BIVM: variants seen among roughly 807,000 people sequenced by gnomAD.
BIVM encodes the protein basic immunoglobulin-like variable motif-containing protein.
Under a neutral mutation model 61.4 loss-of-function variants are expected in BIVM, and 31 were observed. The observed-to-expected ratio is 0.51, with a 90% CI of 0.38 to 0.68. The LOEUF (loss-of-function observed/expected upper bound fraction) is 0.68, where lower values mean the gene tolerates loss of function less well. BIVM is among the 30% of genes least tolerant of loss of function. The pLI, the probability that BIVM is intolerant of heterozygous loss-of-function variation, is 0.00. For synonymous variants in BIVM, 189 were observed against 210.7 expected, an observed-to-expected ratio of 0.90 and a Z score of 0.89; for missense variants, 526 against 596.0, an observed-to-expected ratio of 0.88 and a Z score of 1.22.
intron 1 of BIVM, among the ~76,000 whole-genome samples, chr13:102,802,566 T>C (rs1878809787): frequency 6.6e-6 from 1 of 152,198 alleles, no homozygotes. Context: ...CCAATGAGAA[T>C]GTTTCATGCC....
chr13:102,804,477 A>T (rs995885578), intron 1 of BIVM, among the ~76,000 whole-genome samples: 1 of 151,892 alleles, frequency 6.6e-6, no homozygotes, highest in African/African-American at 2.4e-5. Context: ...TGCCCAGCTA[A>T]TTTTTTTGTG....
At position 102,810,885 on chromosome 13, in the gene BIVM, C is replaced by T. The variant is rs111817307; in HGVS notation, c.478+3140C>T. ...CTGGGACTACAGGTGCACATCACCACGACTGGCTAATTTTTAATATTTTTT... is the reference window on the plus strand; with the variant it reads ...CTGGGACTACAGGTGCACATCACCATGACTGGCTAATTTTTAATATTTTTT... On this transcript the variant is annotated intron_variant, in intron 3 of 10. Transcript: ENST00000257336. Among the ~76,000 whole-genome samples, 930 of 152,218 alleles carry T rather than the reference C, an allele frequency of 6.1e-3. 16 individuals carry two copies. The highest frequency in any genetic ancestry group is 0.021 in the African/African-American group (877 of 41,534).
rs968040390 is a variant in BIVM at position 102,813,857 on chromosome 13, C to T, written c.479-2571C>T. Among the ~76,000 whole-genome samples the T allele has an allele frequency of 3.3e-5, 5 of 152,150 alleles. No homozygotes were observed. In the East Asian group the frequency reaches 9.7e-4, roughly 29 times the overall value. On this transcript the variant is annotated intron_variant, in intron 3 of 10. Transcript: ENST00000257336. ...TACATGCATGGTCCAGGGGTCAGTC[C>T]AAGGTTTGGGCCAAATTTATACACA...
chr13:102,825,146 C>G (rs1256207344), intron 7 of BIVM, among the ~76,000 whole-genome samples: 1 of 152,118 alleles, frequency 6.6e-6, no homozygotes, highest in African/African-American at 2.4e-5. Context: ...GGGGTTTCAC[C>G]ATGTTAGCCA....
intron 7 of BIVM, 61 bp from the exon 8 acceptor site, chr13:102,831,504 G>A (rs903484464): frequency 5.5e-5 from 88 of 1,604,222 alleles, no homozygotes; most frequent in Non-Finnish European, 7.2e-5. Context: ...CCGGTCCTTT[G>A]TGTAAAGCAT....
intron 9 of BIVM, among the ~76,000 whole-genome samples, chr13:102,838,396 G>C (rs1030589084): frequency 6.6e-6 from 1 of 152,194 alleles, no homozygotes; most frequent in Non-Finnish European, 1.5e-5. Context: ...TAACATGTTG[G>C]TATTTATTTA....
intron 3 of BIVM, among the ~76,000 whole-genome samples, chr13:102,816,200 C>G (rs981132177): frequency 6.6e-6 from 1 of 152,144 alleles, no homozygotes; most frequent in Non-Finnish European, 1.5e-5. Context: ...TATTATTTCT[C>G]TTTAAGGTAG....
chr13:102,806,842 G>A (rs542829486), intron 2 of BIVM, among the ~76,000 whole-genome samples: 11 of 151,978 alleles, frequency 7.2e-5, no homozygotes, highest in Middle Eastern at 3.4e-3. Flanking sequence ...CCCGGGAGGC[G>A]GAGGTTGCGG....
chr13:102,801,472 C>T (rs1278842087), intron 1 of BIVM: 1 of 151,992 alleles, frequency 6.6e-6, no homozygotes, highest in Admixed American at 6.6e-5. Context: ...AGGCTGGCCT[C>T]AAACTCCTGA....
intron 7 of BIVM, among the ~76,000 whole-genome samples, chr13:102,828,794 C>T (rs7329945): frequency 0.89 from 135,074 of 152,086 alleles, 62,177 homozygotes; most frequent in East Asian, 1. Flanking sequence ...GTTGGGAGGC[C>T]GAGGTGGGTG....
chr13:102,813,207 A>G (rs1257282044), intron 3 of BIVM, among the ~76,000 whole-genome samples: 1 of 152,200 alleles, frequency 6.6e-6, no homozygotes, highest in African/African-American at 2.4e-5. Flanking sequence ...ATTTTTTTAA[A>G]AATGTAATTT....
At chr13:102,818,352 C>A (rs1349280241) in intron 4 of BIVM, among the ~76,000 whole-genome samples, 1 of 152,016 alleles carries the variant, frequency 6.6e-6, no homozygotes, top group African/African-American at 2.4e-5. Flanking sequence ...AGATATCAGG[C>A]TCAATATTTA....
chr13:102,839,809 C>T lies in BIVM; in HGVS notation c.1456C>T (p.His486Tyr), dbSNP rs758722716. 6.2e-7 allele frequency: 1 copy of T among 1,614,002 alleles called. No homozygotes were observed. The highest frequency in any genetic ancestry group is 2.2e-5 in the East Asian group (1 of 44,864). Residue 486 changes from histidine to tyrosine, a missense_variant, in exon 11 of 11, where the codon CAT becomes TAT. Physicochemically the swap from His to Tyr is moderately conservative, Grantham distance 83 (BLOSUM62 2). Transcript: ENST00000257336. Reference protein sequence around the residue: ...DSAWKKMSSIHERRNSGYQGY... With the variant: ...DSAWKKMSSIYERRNSGYQGY... ...GGCATGGAAAAAGATGTCTAGTATC[C>T]ATGAGAGAAGGAACAGTGGTTACCA...
Position 102,829,667 on chromosome 13 carries a change from C to T in BIVM, c.902-1898C>T, listed in dbSNP as rs148787815. On this transcript the variant is annotated intron_variant, in intron 7 of 10. Coordinates refer to ENST00000257336, the MANE Select transcript of BIVM (RefSeq NM_017693.4). ...CAGCCTGGCCAACATAGTGAAACCC[C>T]GTCTCTACTAAAAATACAAAAATTA... is the stretch of plus-strand genomic sequence containing the variant. Among the ~76,000 whole-genome samples, 78 of 151,948 alleles carry T rather than the reference C, an allele frequency of 5.1e-4. 2 individuals carry two copies. The East Asian group carries it at 8.5e-3, about 17-fold the overall frequency.
Position 102,807,168 on chromosome 13 carries a change from G to A in BIVM, c.-100G>A. On this transcript the variant is annotated 5_prime_UTR_variant, in exon 3 of 11. Transcript: ENST00000257336. This position sits in a 1 kb window ranked among gnomAD's most constrained non-coding sequence, Gnocchi z 4.0. Reference sequence around the variant, plus strand: ...TAGGAGCTCATTTTGCAGCTCTCAAGCTTTTATAGCATGCTGTAAACAATT... The same window carrying A: ...TAGGAGCTCATTTTGCAGCTCTCAAACTTTTATAGCATGCTGTAAACAATT... 7.7e-7 allele frequency: 1 copy of A among 1,306,766 alleles called. No individual in the cohort carries two copies. The highest frequency in any genetic ancestry group is 1.5e-5 in the South Asian group (1 of 65,768). The allele number at this position is 1,306,766 out of a possible 1,614,324, so 80.9% of individuals were successfully genotyped here. A position where few individuals can be genotyped will look rare whatever the true frequency, so the allele number is the denominator to read the frequency against.
At chr13:102,826,815 G>A (rs1344018338) in intron 7 of BIVM, among the ~76,000 whole-genome samples, 1 of 152,184 alleles carries the variant, frequency 6.6e-6, no homozygotes, top group Non-Finnish European at 1.5e-5. Context: ...GAGGATAGAT[G>A]AAGAGATGGG....
chr13:102,829,141 A>G (rs1397037178), intron 7 of BIVM, among the ~76,000 whole-genome samples: 2 of 152,102 alleles, frequency 1.3e-5, no homozygotes, highest in Non-Finnish European at 1.5e-5. Context: ...AATATACTCT[A>G]TAAGTTCTTA....
chr13:102,814,943 C>A (rs1879760766), intron 3 of BIVM, among the ~76,000 whole-genome samples: 1 of 151,994 alleles, frequency 6.6e-6, no homozygotes, highest in Admixed American at 6.6e-5. Flanking sequence ...ACTCCTGAGG[C>A]TGATGTAGGA....
Position 102,816,441 on chromosome 13 carries a change from AC to A in BIVM, c.493del (p.Gln165LysfsTer33). 2.5e-6 allele frequency: 4 copies of A among 1,580,950 alleles called. No individual in the cohort carries two copies. The highest frequency in any genetic ancestry group is 3.4e-6 in the Non-Finnish European group (4 of 1,168,368). On this transcript the variant is annotated frameshift_variant, in exon 4 of 11. Transcript: ENST00000257336. LOFTEE classifies it high-confidence loss of function. ...CTTGTATTCTAGGCAATGCAAAGAAACAAGTTTCCAAGAGAAAAACTTCAGA... is the reference window on the plus strand; with the variant it reads ...CTTGTATTCTAGGCAATGCAAAGAAAAAGTTTCCAAGAGAAAAACTTCAGA... ...SKHKSGNAKK[Q>X]VSKRKTSDKK...
Sources: allele counts gnomAD v4.1 joint callset (sites outside exome capture counted in the v4.1 genomes callset), GRCh38; gene constraint gnomAD v4.1.1; non-coding constraint Gnocchi (gnomAD v3.1); transcripts MANE v1.5; gene names NCBI Gene and HGNC (gene_info 2026-07-23, HGNC 2026-07-21).